Variants in ATP9B observed in about 807,000 individuals in gnomAD.
The protein encoded by ATP9B is ATPase phospholipid transporting 9B, also known as probable phospholipid-transporting ATPase IIB.
A neutral mutation model predicts 146.1 loss-of-function variants in ATP9B; 110 were observed. That is an observed-to-expected ratio of 0.75 (90% CI 0.65 to 0.88). The LOEUF (loss-of-function observed/expected upper bound fraction) is 0.88. Ranked by LOEUF, ATP9B falls within the 40% of genes least tolerant of loss-of-function variation. ATP9B has a pLI of 0.00. For synonymous variants in ATP9B, 604 were observed against 569.7 expected (o/e 1.06, Z -0.86); for missense variants, 1,499 against 1,496.4 (o/e 1.00, Z -0.03).
chr18:79,315,269 A>G (rs536238848), intron 15 of ATP9B, among the ~76,000 whole-genome samples: 22 of 152,322 alleles, frequency 1.4e-4, no homozygotes, highest in African/African-American at 4.6e-4. Flanking sequence ...GTGTGTGCCT[A>G]TTGAAGCAAG....
chr18:79,153,680 T>C (rs2094726370), intron 6 of ATP9B, among the ~76,000 whole-genome samples: 1 of 150,250 alleles, frequency 6.7e-6, no homozygotes, highest in African/African-American at 2.5e-5. Flanking sequence ...AAACAGGGTC[T>C]CCCTCTGCTT....
chr18:79,124,791 A>G (rs1179151450), intron 4 of ATP9B, among the ~76,000 whole-genome samples: 1 of 152,196 alleles, frequency 6.6e-6, no homozygotes, highest in Non-Finnish European at 1.5e-5. Flanking sequence ...CACACCGAGT[A>G]CAGTCAGGCT....
chr18:79,262,248 GTTTGT>G (rs2096150670), intron 12 of ATP9B, among the ~76,000 whole-genome samples: 2 of 151,176 alleles, frequency 1.3e-5, no homozygotes. Flanking sequence ...AAACATTCAA[GTTTGT>G]TTAGAATTTT....
chr18:79,295,668 T>C (rs978898637), intron 13 of ATP9B, among the ~76,000 whole-genome samples: 3 of 152,252 alleles, frequency 2.0e-5, no homozygotes, highest in Non-Finnish European at 4.4e-5. Context: ...TCATGTGGCC[T>C]GAATGTTCAT....
intron 11 of ATP9B, among the ~76,000 whole-genome samples, chr18:79,219,365 C>G (rs919277912): frequency 6.6e-6 from 1 of 151,046 alleles, no homozygotes; most frequent in Non-Finnish European, 1.5e-5. Flanking sequence ...ACTGATTGTG[C>G]TGTAAGGGAA....
chr18:79,110,303 T>C (rs1212921435), intron 2 of ATP9B, 52 bp from the exon 3 acceptor site: 1 of 1,483,372 alleles, frequency 6.7e-7, no homozygotes, highest in Non-Finnish European at 9.0e-7. Flanking sequence ...TAGTTTGAAC[T>C]TTTTTAAAAA....
Position 79,096,598 on chromosome 18 carries a change from A to G in ATP9B, c.242A>G (p.Lys81Arg), listed in dbSNP as rs775144507. The G allele has an allele frequency of 1.2e-5, 20 of 1,613,994 alleles. No individual in the cohort carries two copies. Among genetic ancestry groups the G allele is most frequent in the Non-Finnish European group, 1.6e-5 (19 of 1,180,004 alleles). ...TLPRARIMQRKRGLEWFVCDG... is the reference protein window; with the variant it reads ...TLPRARIMQRRRGLEWFVCDG... Reference sequence around the variant, plus strand: ...CCACGAGCCAGGATAATGCAAAGGAAAAGAGGACTGGAGTGGTTTGTCTGT... The same window carrying G: ...CCACGAGCCAGGATAATGCAAAGGAGAAGAGGACTGGAGTGGTTTGTCTGT... Residue 81 changes from lysine (K) to arginine (R), a missense_variant, in exon 2 of 30, where the codon AAA (lysine) becomes AGA (arginine). Transcript: ENST00000426216.
intron 10 of ATP9B, among the ~76,000 whole-genome samples, chr18:79,211,609 G>A (rs1425457262): frequency 2.6e-5 from 4 of 152,184 alleles, no homozygotes; most frequent in Non-Finnish European, 5.9e-5. Flanking sequence ...TTTGAAGTGT[G>A]CAGTTATGGA....
chr18:79,374,628 G>A (rs1396431593), intron 28 of ATP9B, among the ~76,000 whole-genome samples: 1 of 152,270 alleles, frequency 6.6e-6, no homozygotes, highest in Admixed American at 6.5e-5. Flanking sequence ...TGCGGGAGGT[G>A]AACACAGCCG....
At chr18:79,083,612 C>T (rs1332837008) in intron 1 of ATP9B, among the ~76,000 whole-genome samples, 1 of 152,122 alleles carries the variant, frequency 6.6e-6, no homozygotes, top group African/African-American at 2.4e-5. Context: ...CCAAAATGCT[C>T]TGTTCCTCAC....
intron 5 of ATP9B, among the ~76,000 whole-genome samples, chr18:79,134,498 C>A (rs772143125): frequency 6.6e-6 from 1 of 152,134 alleles, no homozygotes; most frequent in African/African-American, 2.4e-5. Context: ...GGTGAGCACT[C>A]AGTGAACTGC....
At chr18:79,348,248 GAAAAAAAA>G (rs56654324) in intron 25 of ATP9B, 52 bp downstream of exon 25, 103 of 827,402 alleles carry the variant, frequency 1.2e-4, no homozygotes, top group Non-Finnish European at 1.4e-4. Context: ...CTTCTATTTT[GAAAAAAAA>G]AAAAAAAAAA....
chr18:79,342,577 T>G (rs1347098100), intron 20 of ATP9B, among the ~76,000 whole-genome samples: 1 of 151,552 alleles, frequency 6.6e-6, no homozygotes, highest in Admixed American at 6.6e-5. Flanking sequence ...CCCTAAAACT[T>G]TAAGTATAAT....
intron 1 of ATP9B, among the ~76,000 whole-genome samples, chr18:79,077,779 T>C (rs1409016167): frequency 6.6e-6 from 1 of 152,346 alleles, no homozygotes; most frequent in East Asian, 1.9e-4. Context: ...CTCTCTACTT[T>C]ACCCTGTAAG....
At chr18:79,286,876 CAT>C (rs1305468284) in intron 13 of ATP9B, among the ~76,000 whole-genome samples, 8 of 152,168 alleles carry the variant, frequency 5.3e-5, no homozygotes, top group African/African-American at 1.9e-4. Context: ...TTGAGATAAT[CAT>C]GTGGTTTTTG....
chr18:79,124,290 C>T (rs1027361753), intron 4 of ATP9B, among the ~76,000 whole-genome samples: 1 of 152,126 alleles, frequency 6.6e-6, no homozygotes, highest in Non-Finnish European at 1.5e-5. Flanking sequence ...TGTGAAGGTA[C>T]TAAAAAACGA....
intron 12 of ATP9B, among the ~76,000 whole-genome samples, chr18:79,260,971 G>A (rs1228572896): frequency 6.6e-6 from 1 of 152,134 alleles, no homozygotes; most frequent in Non-Finnish European, 1.5e-5. Context: ...TGTATTTTGG[G>A]AGCAGATAGC....
intron 1 of ATP9B, among the ~76,000 whole-genome samples, chr18:79,082,762 G>C (rs1254874957): frequency 6.6e-6 from 1 of 152,240 alleles, no homozygotes; most frequent in African/African-American, 2.4e-5. Flanking sequence ...ATTGCTGCCT[G>C]TTTCTTCCTC....
chr18:79,126,249 C>G lies in ATP9B; in HGVS notation c.559-18C>G. The G allele has an allele frequency of 6.4e-7, 1 of 1,561,588 alleles. No individual in the cohort carries two copies. The highest frequency in any genetic ancestry group is 8.7e-7 in the Non-Finnish European group (1 of 1,148,716). ...GTTAAAGTTTAGTTTTCTAAAAATA[C>G]CTTATTTTGTTTTATAGGGATTTGT... On this transcript the variant is annotated intron_variant, in intron 4 of 29. Coordinates refer to ENST00000426216, the MANE Select transcript of ATP9B (RefSeq NM_198531.5).
Sources: allele counts gnomAD v4.1 joint callset (sites outside exome capture counted in the v4.1 genomes callset), GRCh38; gene constraint gnomAD v4.1.1; transcripts MANE v1.5; gene names NCBI Gene and HGNC (gene_info 2026-07-23, HGNC 2026-07-21).